MYO5A: variants seen among roughly 807,000 people sequenced by gnomAD.
The protein encoded by MYO5A is unconventional myosin-Va.
In MYO5A, 98 loss-of-function variants were observed where a neutral mutation model predicts 249.7. The observed-to-expected ratio is 0.39, with a 90% CI of 0.33 to 0.46. The LOEUF (loss-of-function observed/expected upper bound fraction) is 0.46, where lower values mean the gene tolerates loss of function less well. Ranked by LOEUF, MYO5A falls within the 20% of genes least tolerant of loss-of-function variation. The pLI is 0.98. For synonymous variants in MYO5A, 778 were observed against 810.6 expected, an observed-to-expected ratio of 0.96 and a Z score of 0.68; for missense variants, 1,696 against 2,308.8, an observed-to-expected ratio of 0.73 and a Z score of 5.44.
At position 52,311,607 on chromosome 15, in the gene MYO5A, A is replaced by G. The variant is rs1215192205; in HGVS notation, c.*2089T>C. ...CCTTCTAAAAGCATGTACATAAATCATGTACATTTAAGAAAGGTTACAGCT... is the reference window on the plus strand; with the variant it reads ...CCTTCTAAAAGCATGTACATAAATCGTGTACATTTAAGAAAGGTTACAGCT... On this transcript the variant is annotated 3_prime_UTR_variant, in exon 42 of 42. Transcript: ENST00000399233. The G allele has an allele frequency of 6.6e-6, 1 of 152,218 alleles. No homozygotes were observed. The highest frequency in any genetic ancestry group is 1.5e-5 in the Non-Finnish European group (1 of 68,046). 9.4% of individuals were successfully genotyped at this position (152,218 alleles called of 1,614,324 possible).
intron 1 of MYO5A, among the ~76,000 whole-genome samples, chr15:52,451,265 C>T (rs2076015189): frequency 6.6e-6 from 1 of 152,028 alleles, no homozygotes; most frequent in Non-Finnish European, 1.5e-5. Flanking sequence ...GTAACAAATC[C>T]ATCACTAAGT....
At chr15:52,450,320 G>T (rs2075988884) in intron 1 of MYO5A, among the ~76,000 whole-genome samples, 1 of 151,906 alleles carries the variant, frequency 6.6e-6, no homozygotes, top group Non-Finnish European at 1.5e-5. Context: ...TTAGTACGTA[G>T]AAGGCAGTTG....
intron 1 of MYO5A, among the ~76,000 whole-genome samples, chr15:52,473,221 G>A (rs1391368425): frequency 1.3e-5 from 2 of 152,106 alleles, no homozygotes; most frequent in African/African-American, 2.4e-5. Flanking sequence ...CATATCCTTC[G>A]CCCAGTTTTT....
chr15:52,528,700 C>T lies in MYO5A; in HGVS notation c.27+80G>A. On this transcript the variant is annotated intron_variant, in intron 1 of 41. Coordinates refer to ENST00000399233, the MANE Select transcript of MYO5A (RefSeq NM_001382347.1). ...GTGGGGCTCGCCTGGGCCCGGCGCTCCCGCCCCCTCCCCAGCCTGACAGCT... is the reference window on the plus strand; with the variant it reads ...GTGGGGCTCGCCTGGGCCCGGCGCTTCCGCCCCCTCCCCAGCCTGACAGCT... 7.6e-6 allele frequency: 11 copies of T among 1,443,106 alleles called. No individual in the cohort carries two copies. In the South Asian group the frequency reaches 1.3e-4, roughly 18 times the overall value. The allele number at this position is 1,443,106 out of a possible 1,614,324, so 89.4% of individuals were successfully genotyped here.
At chr15:52,342,260 G>A (rs2039413082) in intron 31 of MYO5A, among the ~76,000 whole-genome samples, 1 of 152,168 alleles carries the variant, frequency 6.6e-6, no homozygotes. Context: ...TCAGGAGGCT[G>A]AGGCAGGAGG....
chr15:52,448,009 G>A (rs767291752), intron 1 of MYO5A, among the ~76,000 whole-genome samples: 5 of 152,222 alleles, frequency 3.3e-5, no homozygotes, highest in Admixed American at 2.0e-4. Context: ...ATGTGGGGTT[G>A]GGGCACTGCC....
In MYO5A at chr15:52,471,614, C is replaced by CACACAT. The variant is rs1555458696; in HGVS notation, c.28-38330_28-38329insATGTGT. The stretch of plus-strand genomic sequence containing the variant: ...TAAAACACACACACACACACACACA[C>CACACAT]ACACACCCCAAACAAAAAAACAAAA... On this transcript the variant is annotated intron_variant, in intron 1 of 41. Coordinates refer to ENST00000399233, the MANE Select transcript of MYO5A (RefSeq NM_001382347.1). Among the ~76,000 whole-genome samples, 824 of 151,612 alleles carry CACACAT rather than the reference C, an allele frequency of 5.4e-3. 10 individuals are homozygous for CACACAT. Among genetic ancestry groups the CACACAT allele is most frequent in the African/African-American group, 0.019 (791 of 41,330 alleles).
At chr15:52,493,059 G>T (rs2076967087) in intron 1 of MYO5A, among the ~76,000 whole-genome samples, 1 of 152,144 alleles carries the variant, frequency 6.6e-6, no homozygotes, top group Non-Finnish European at 1.5e-5. Context: ...GGCCTGAGGT[G>T]CAGGCCATAT....
chr15:52,511,883 G>A (rs962007039), intron 1 of MYO5A, among the ~76,000 whole-genome samples: 19 of 152,152 alleles, frequency 1.2e-4, no homozygotes, highest in African/African-American at 4.3e-4. Context: ...ATTGATATCG[G>A]CTGGGCGCAG....
intron 3 of MYO5A, among the ~76,000 whole-genome samples, chr15:52,427,105 A>G (rs76966354): frequency 0.034 from 5,095 of 151,628 alleles, 267 homozygotes; most frequent in African/African-American, 0.12. Flanking sequence ...AATACTGGCT[A>G]TTTTTCAGTG....
At position 52,439,676 on chromosome 15, in the gene MYO5A, A is replaced by G. The variant is rs1595687137; in HGVS notation, c.28-6391T>C. 2.0e-5 allele frequency among the ~76,000 whole-genome samples: 3 copies of G among 152,202 alleles called. No individual in the cohort carries two copies. In the East Asian group the frequency reaches 5.8e-4, roughly 29 times the overall value. ...ATACCAGAGTTTGAGGCCACCAAGC[A>G]GGGTTGAGATGGGGCATGAATCAGA... On this transcript the variant is annotated intron_variant, in intron 1 of 41. Coordinates refer to ENST00000399233, the MANE Select transcript of MYO5A (RefSeq NM_001382347.1).
intron 36 of MYO5A, among the ~76,000 whole-genome samples, chr15:52,326,794 C>A (rs1026247741): frequency 6.6e-6 from 1 of 152,178 alleles, no homozygotes; most frequent in Admixed American, 6.5e-5. Context: ...TGTTGACTAT[C>A]CACTTATCTT....
chr15:52,317,031 A>G lies in MYO5A; in HGVS notation c.5409+17T>C. 2 of 1,608,320 alleles carry G rather than the reference A, an allele frequency of 1.2e-6. No individual in the cohort carries two copies. Among genetic ancestry groups the G allele is most frequent in the Non-Finnish European group, 1.7e-6 (2 of 1,174,742 alleles). On this transcript the variant is annotated intron_variant, in intron 40 of 41. Coordinates refer to ENST00000399233, the MANE Select transcript of MYO5A (RefSeq NM_001382347.1). Reference sequence around the variant, plus strand: ...GATGAATGTTAAATTATTTTGTAACAGGGAAAGTTGCTCTACCTGGGCAGT... The same window carrying G: ...GATGAATGTTAAATTATTTTGTAACGGGGAAAGTTGCTCTACCTGGGCAGT...
At chr15:52,457,862 G>A (rs1333703958) in intron 1 of MYO5A, among the ~76,000 whole-genome samples, 1 of 152,184 alleles carries the variant, frequency 6.6e-6, no homozygotes, top group Non-Finnish European at 1.5e-5. Context: ...ATCAACCTAA[G>A]TGTCCACCGA....
chr15:52,418,264 T>C (rs1415457321), intron 4 of MYO5A, among the ~76,000 whole-genome samples: 1 of 152,016 alleles, frequency 6.6e-6, no homozygotes, highest in Non-Finnish European at 1.5e-5. Context: ...TGCTTTGGAG[T>C]GGAGGTGAGC....
intron 16 of MYO5A, among the ~76,000 whole-genome samples, chr15:52,381,750 C>A (rs1446076863): frequency 6.8e-6 from 1 of 147,576 alleles, no homozygotes; most frequent in Non-Finnish European, 1.5e-5. Context: ...TAGCACAAGG[C>A]CCCTCCTTTT....
intron 1 of MYO5A, among the ~76,000 whole-genome samples, chr15:52,480,515 G>A (rs115717774): frequency 1.4e-4 from 22 of 152,284 alleles, no homozygotes; most frequent in African/African-American, 5.3e-4. Context: ...CCAGACCAAG[G>A]ATGTCCTGAT....
intron 15 of MYO5A, among the ~76,000 whole-genome samples, chr15:52,383,732 G>A (rs749862452): frequency 4.6e-5 from 7 of 152,124 alleles, no homozygotes; most frequent in Non-Finnish European, 7.3e-5. Flanking sequence ...GCTGAGGAGC[G>A]CTCAGCCTCC....
At chr15:52,405,832 G>T (rs2042980764) in intron 8 of MYO5A, among the ~76,000 whole-genome samples, 1 of 152,176 alleles carries the variant, frequency 6.6e-6, no homozygotes, top group Admixed American at 6.5e-5. Flanking sequence ...CACACACTGG[G>T]TTTAAAATTA....
Sources: allele counts gnomAD v4.1 joint callset (sites outside exome capture counted in the v4.1 genomes callset), GRCh38; gene constraint gnomAD v4.1.1; transcripts MANE v1.5; gene names NCBI Gene and HGNC (gene_info 2026-07-23, HGNC 2026-07-21).